The following NCS1 variants were observed in gnomAD, a reference collection of about 807,000 sequenced individuals.
The protein encoded by NCS1 is neuronal calcium sensor 1, also known as frequenin homolog.
NCS1 carries 6 observed loss-of-function variants against 28.4 expected under a neutral mutation model. The observed-to-expected ratio is 0.21, with a 90% CI of 0.12 to 0.42. The LOEUF (loss-of-function observed/expected upper bound fraction) is 0.42. Ranked by LOEUF, NCS1 falls within the 10% of genes least tolerant of loss-of-function variation. The pLI is 1.00. For missense variants in NCS1, 131 were observed against 241.4 expected (o/e 0.54, Z 3.03); for synonymous variants, 86 against 99.3 (o/e 0.87, Z 0.79).
In NCS1 at chr9:130,177,599, G is replaced by C. The variant is rs1327311062; in HGVS notation, c.64+4872G>C. Among the ~76,000 whole-genome samples the C allele has an allele frequency of 1.3e-5, 2 of 152,222 alleles. No homozygotes were observed. Among genetic ancestry groups the C allele is most frequent in the Non-Finnish European group, 2.9e-5 (2 of 68,040 alleles). On this transcript the variant is annotated intron_variant, in intron 1 of 7. Transcript: ENST00000372398. The surrounding 1 kb of genome is among the most constrained non-coding windows in gnomAD (Gnocchi z 4.4). ...AGACTGAGGTGGACTCTCGGCATCGGGATGGGCATCTGGGCAAGAAACATC... is the reference window on the plus strand; with the variant it reads ...AGACTGAGGTGGACTCTCGGCATCGCGATGGGCATCTGGGCAAGAAACATC...
At position 130,219,292 on chromosome 9, in the gene NCS1, C is replaced by T. The variant is rs782372234; in HGVS notation, c.229-433C>T. Among the ~76,000 whole-genome samples, 16 of 152,058 alleles carry T rather than the reference C, an allele frequency of 1.1e-4. No homozygotes were observed. Among genetic ancestry groups the T allele is most frequent in the African/African-American group, 3.9e-4 (16 of 41,392 alleles). On this transcript the variant is annotated intron_variant, in intron 3 of 7. Transcript: ENST00000372398. This position sits in a 1 kb window ranked among gnomAD's most constrained non-coding sequence, Gnocchi z 5.7. ...GAAGGGCTCTTCCCTTCTTGGGCCT[C>T]GGTTTCTTCATTTGCAAATAAGAGG...
intron 1 of NCS1, among the ~76,000 whole-genome samples, chr9:130,178,264 G>A (rs1022231694): frequency 2.0e-5 from 3 of 152,216 alleles, no homozygotes; most frequent in Non-Finnish European, 4.4e-5. Context: ...CCCTTGTACA[G>A]AGAGGGAAGG....
chr9:130,227,521 G>A lies in NCS1; in HGVS notation c.*17+1017G>A, dbSNP rs1049336530. On this transcript the variant is annotated intron_variant, in intron 7 of 7. Transcript: ENST00000372398. ...GTGCTGTTTTGCGGTCCCACTAGTA[G>A]TGTATGAGAGTTCCAGTTGCTCCAC... is the stretch of plus-strand genomic sequence containing the variant. 2.0e-5 allele frequency among the ~76,000 whole-genome samples: 3 copies of A among 152,240 alleles called. No individual in the cohort carries two copies. In the East Asian group the frequency reaches 5.8e-4, roughly 29 times the overall value.
chr9:130,201,854 C>G (rs1200858169), intron 2 of NCS1, among the ~76,000 whole-genome samples: 1 of 152,174 alleles, frequency 6.6e-6, no homozygotes, highest in East Asian at 1.9e-4. Flanking sequence ...CTTTCCACTT[C>G]TGCACTTCCC....
chr9:130,182,795 C>T (rs1832679549), intron 1 of NCS1, among the ~76,000 whole-genome samples: 1 of 152,236 alleles, frequency 6.6e-6, no homozygotes, highest in Admixed American at 6.5e-5. Flanking sequence ...TTGTCACGGA[C>T]AAGGTGGTGA....
chr9:130,225,692 G>A (rs1554911286), intron 6 of NCS1, among the ~76,000 whole-genome samples: 10 of 152,242 alleles, frequency 6.6e-5, no homozygotes, highest in Non-Finnish European at 1.5e-4. Flanking sequence ...TGAGGGTTGC[G>A]CCGAGCTTGG....
At chr9:130,185,855 T>G (rs1832731251) in intron 1 of NCS1, among the ~76,000 whole-genome samples, 2 of 152,262 alleles carry the variant, frequency 1.3e-5, no homozygotes, top group South Asian at 4.1e-4. Context: ...CATTGTTGTC[T>G]TCAGGCTTTC....
chr9:130,199,065 T>A (rs1347421442), intron 1 of NCS1, among the ~76,000 whole-genome samples: 1 of 150,976 alleles, frequency 6.6e-6, no homozygotes, highest in African/African-American at 2.4e-5. Flanking sequence ...GTAACTGGCA[T>A]CTCCCGCTGT....
intron 4 of NCS1, 109 bp from the exon 5 acceptor site, chr9:130,222,541 G>T: frequency 1.2e-6 from 1 of 826,428 alleles, no homozygotes; most frequent in Admixed American, 1.9e-5. Flanking sequence ...ATGAGGAATG[G>T]GCCATCCGGT....
Position 130,181,857 on chromosome 9 carries a change from C to G in NCS1, c.64+9130C>G, listed in dbSNP as rs1832663353. ...GTGTCAGGAGTGGGTGAGCCGGGCA[C>G]TCCTGTGCGCACGCGTGTGGTGGTG... On this transcript the variant is annotated intron_variant, in intron 1 of 7. Coordinates refer to ENST00000372398, the MANE Select transcript of NCS1 (RefSeq NM_014286.4). This position sits in a 1 kb window ranked among gnomAD's most constrained non-coding sequence, Gnocchi z 5.0. 6.6e-6 allele frequency among the ~76,000 whole-genome samples: 1 copy of G among 152,010 alleles called. No individual in the cohort carries two copies. Among genetic ancestry groups the G allele is most frequent in the African/African-American group, 2.4e-5 (1 of 41,374 alleles).
chr9:130,185,947 C>A (rs1588110249), intron 1 of NCS1, among the ~76,000 whole-genome samples: 1 of 152,250 alleles, frequency 6.6e-6, no homozygotes, highest in African/African-American at 2.4e-5. Context: ...CTGAGCGAAG[C>A]CTGCCTAGGT....
chr9:130,196,567 C>T lies in NCS1; in HGVS notation c.65-4391C>T, dbSNP rs192648397. 3.2e-3 allele frequency among the ~76,000 whole-genome samples: 488 copies of T among 152,216 alleles called. 7 individuals are homozygous for T. The highest frequency in any genetic ancestry group is 2.4e-3 in the Non-Finnish European group (163 of 68,018). ...CAGCCTGGCCAGCATGGTGAAACCC[C>T]GTCTCTACCAAAAATACGAAAATTA... On this transcript the variant is annotated intron_variant, in intron 1 of 7. Coordinates refer to ENST00000372398, the MANE Select transcript of NCS1 (RefSeq NM_014286.4).
At chr9:130,208,673 A>G (rs1361307054) in intron 2 of NCS1, among the ~76,000 whole-genome samples, 1 of 152,226 alleles carries the variant, frequency 6.6e-6, no homozygotes, top group African/African-American at 2.4e-5. Context: ...CCTCGCATCA[A>G]CACGGCCAGC....
At chr9:130,203,127 T>TAG in intron 2 of NCS1, among the ~76,000 whole-genome samples, 1 of 68,902 alleles carries the variant, frequency 1.5e-5, no homozygotes, top group Non-Finnish European at 3.3e-5. Context: ...TGTATGTATA[T>TAG]ATATATATAT....
In NCS1 at chr9:130,226,277, C is replaced by A; in HGVS notation, c.475-112C>A. On this transcript the variant is annotated intron_variant, in intron 6 of 7. Transcript: ENST00000372398. This position sits in a 1 kb window ranked among gnomAD's most constrained non-coding sequence, Gnocchi z 4.8. ...GCTTGTAGGCCCTGAGCCACGTTGC[C>A]TCCCTCCTGATCTAACCTTGGAAGG... is the stretch of plus-strand genomic sequence containing the variant. 1 of 880,140 alleles carries A rather than the reference C, an allele frequency of 1.1e-6. No homozygotes were observed. 54.5% of individuals were successfully genotyped at this position (880,140 alleles called of 1,614,324 possible).
At position 130,209,987 on chromosome 9, in the gene NCS1, G is replaced by A. The variant is rs1833089864; in HGVS notation, c.90-7845G>A. 6.6e-6 allele frequency among the ~76,000 whole-genome samples: 1 copy of A among 152,070 alleles called. No individual in the cohort carries two copies. The highest frequency in any genetic ancestry group is 2.4e-5 in the African/African-American group (1 of 41,398). ...CCCAAAGAGTTAAGACCCTGTTCGC[G>A]AACAAGGTTGTGTGAGGTGTGGCCT... On this transcript the variant is annotated intron_variant, in intron 2 of 7. Coordinates refer to ENST00000372398, the MANE Select transcript of NCS1 (RefSeq NM_014286.4). This position sits in a 1 kb window ranked among gnomAD's most constrained non-coding sequence, Gnocchi z 4.4.
rs1832816328 is a variant in NCS1, at chr9:130,191,549, G to A, written c.65-9409G>A. Among the ~76,000 whole-genome samples the A allele has an allele frequency of 2.6e-5, 4 of 152,308 alleles. No individual in the cohort carries two copies. In the South Asian group the frequency reaches 8.3e-4, roughly 32 times the overall value. ...TGGGGGCCGGTAGGGGGTGGTCAGA[G>A]CCTGGTCAGCTGGATGGCCGTGGGC... is the stretch of plus-strand genomic sequence containing the variant. On this transcript the variant is annotated intron_variant, in intron 1 of 7. Coordinates refer to ENST00000372398, the MANE Select transcript of NCS1 (RefSeq NM_014286.4). The surrounding 1 kb of genome is among the most constrained non-coding windows in gnomAD (Gnocchi z 6.4).
chr9:130,221,123 A>G (rs1466211104), intron 4 of NCS1, among the ~76,000 whole-genome samples: 1 of 151,914 alleles, frequency 6.6e-6, no homozygotes, highest in Non-Finnish European at 1.5e-5. Context: ...TCCTGGGTTC[A>G]AGCAATTCTC....
At chr9:130,200,931 A>G in intron 1 of NCS1, 27 bp from the exon 2 acceptor site, 1 of 1,614,210 alleles carries the variant, frequency 6.2e-7, no homozygotes, top group Non-Finnish European at 8.5e-7. Flanking sequence ...CTGAGCTAAA[A>G]GCCTACTTTT....
Sources: gnomAD v4.1 joint callset for allele counts (sites outside exome capture counted in the v4.1 genomes callset) on GRCh38, gnomAD v4.1.1 for gene constraint, Gnocchi (gnomAD v3.1) non-coding constraint, MANE v1.5 for transcripts, NCBI Gene and HGNC (gene_info 2026-07-23, HGNC 2026-07-21) for gene names.